UTRN: variants seen among roughly 807,000 people sequenced by gnomAD.
UTRN encodes the protein dystrophin-related protein 1.
Under a neutral mutation model 463.9 loss-of-function variants are expected in UTRN, and 283 were observed. That is an observed-to-expected ratio of 0.61 (90% CI 0.55 to 0.67). The LOEUF (loss-of-function observed/expected upper bound fraction) is 0.67. Among genes scored for constraint, UTRN ranks in the 30% least tolerant of loss-of-function variants. UTRN has a pLI of 0.00. For missense variants in UTRN, 3,922 were observed against 4,084.3 expected (o/e 0.96, Z 1.08); for synonymous variants, 1,442 against 1,431.5 (o/e 1.01, Z -0.17).
intron 2 of UTRN, among the ~76,000 whole-genome samples, chr6:144,293,220 G>A (rs960927918): frequency 2.6e-5 from 4 of 152,058 alleles, no homozygotes; most frequent in Admixed American, 2.6e-4. Flanking sequence ...GAAGAGAGAC[G>A]ATTTAATGTC....
intron 2 of UTRN, among the ~76,000 whole-genome samples, chr6:144,367,310 A>G (rs982362534): frequency 3.5e-5 from 5 of 144,720 alleles, no homozygotes; most frequent in Admixed American, 7.1e-5. Context: ...TTAATAAAGG[A>G]TTATACATGA....
intron 71 of UTRN, 131 bp downstream of exon 71, chr6:144,836,672 C>G (rs539473621): frequency 7.3e-7 from 1 of 1,376,864 alleles, no homozygotes; most frequent in Non-Finnish European, 9.6e-7. Flanking sequence ...TTAATTCAGA[C>G]TGGCTTAGAA....
At chr6:144,824,780 G>A (rs1350545482) in intron 66 of UTRN, among the ~76,000 whole-genome samples, 5 of 146,204 alleles carry the variant, frequency 3.4e-5, no homozygotes, top group African/African-American at 1.3e-4. Flanking sequence ...TGGTGGGGGG[G>A]GGTGTCCCCC....
At chr6:144,831,608 G>T (rs998405146) in intron 69 of UTRN, among the ~76,000 whole-genome samples, 1 of 152,128 alleles carries the variant, frequency 6.6e-6, no homozygotes, top group Non-Finnish European at 1.5e-5. Flanking sequence ...GAGTACGTTC[G>T]ATTGACTCTG....
At chr6:144,314,444 A>G (rs1268560645) in intron 2 of UTRN, among the ~76,000 whole-genome samples, 1 of 152,210 alleles carries the variant, frequency 6.6e-6, no homozygotes, top group Non-Finnish European at 1.5e-5. Flanking sequence ...CAACTTGTTG[A>G]TGGGAAATGT....
rs572093987 is a variant in UTRN at position 144,531,875 on chromosome 6, C to T, written c.6057+673C>T. Among the ~76,000 whole-genome samples, 11 of 152,158 alleles carry T rather than the reference C, an allele frequency of 7.2e-5. No individual in the cohort carries two copies. In the South Asian group the frequency reaches 2.3e-3, roughly 32 times the overall value. On this transcript the variant is annotated intron_variant, in intron 42 of 74. Coordinates refer to ENST00000367545, the MANE Select transcript of UTRN (RefSeq NM_007124.3). ...TAATGTGGCCGGGCGCGGTGCCTCA[C>T]ACTTGTAATCCCAGCATTTTGGGAG...
intron 51 of UTRN, among the ~76,000 whole-genome samples, chr6:144,640,022 C>T (rs1777605766): frequency 6.6e-6 from 1 of 151,366 alleles, no homozygotes; most frequent in Non-Finnish European, 1.5e-5. Flanking sequence ...AAAAAATGGC[C>T]CAGTGAACAA....
intron 51 of UTRN, among the ~76,000 whole-genome samples, chr6:144,640,026 T>TGAACA (rs1777607067): frequency 6.6e-6 from 1 of 152,010 alleles, no homozygotes; most frequent in African/African-American, 2.4e-5. Context: ...AATGGCCCAG[T>TGAACA]GAACAAAGTG....
At chr6:144,510,667 T>A (rs771630860) in intron 34 of UTRN, among the ~76,000 whole-genome samples, 1 of 152,170 alleles carries the variant, frequency 6.6e-6, no homozygotes, top group Non-Finnish European at 1.5e-5. Context: ...ATAAATGGAT[T>A]TATATTTAAA....
Position 144,290,752 on chromosome 6 carries a change from C to CT in UTRN, c.-92-956dup, listed in dbSNP as rs200477118. On this transcript the variant is annotated intron_variant, in intron 1 of 74. Transcript: ENST00000367545. The stretch of plus-strand genomic sequence containing the variant: ...TGGTCTACCTACAAGCCACAATCGT[C>CT]TTTTTTTTTTTTTTTTTTTTTTTTT... Among the ~76,000 whole-genome samples, 672 of 99,130 alleles carry CT rather than the reference C, an allele frequency of 6.8e-3. 110 individuals carry two copies. Among genetic ancestry groups the CT allele is most frequent in the Non-Finnish European group, 7.6e-3 (392 of 51,444 alleles). The allele number at this position is 99,130 out of a possible 152,430, so 65.0% of individuals were successfully genotyped here.
In UTRN at chr6:144,458,934, AAGG is replaced by A; in HGVS notation, c.2455_2457del (p.Glu819del). The A allele has an allele frequency of 6.2e-7, 1 of 1,613,898 alleles. No homozygotes were observed. Among genetic ancestry groups the A allele is most frequent in the African/African-American group, 1.3e-5 (1 of 75,018 alleles). On this transcript the variant is annotated inframe_deletion, in exon 20 of 75. Coordinates refer to ENST00000367545, the MANE Select transcript of UTRN (RefSeq NM_007124.3). ...TGAGCTTGAAAAGGTCATCAAGACA[AAGG>A]AGGAGTGGGTAAAACACACTTCCAT... is the stretch of plus-strand genomic sequence containing the variant.
intron 51 of UTRN, among the ~76,000 whole-genome samples, chr6:144,645,370 A>G (rs571145708): frequency 1.3e-5 from 2 of 152,324 alleles, no homozygotes; most frequent in South Asian, 2.1e-4. Flanking sequence ...GTTTTGTTAT[A>G]AAGTATTTTG....
chr6:144,831,215 A>T (rs1327300290), intron 69 of UTRN, among the ~76,000 whole-genome samples: 1 of 152,172 alleles, frequency 6.6e-6, no homozygotes, highest in African/African-American at 2.4e-5. Flanking sequence ...TGAATATACT[A>T]CTTTACTTGG....
At chr6:144,849,841 G>A (rs970018468) in intron 74 of UTRN, among the ~76,000 whole-genome samples, 30 of 152,140 alleles carry the variant, frequency 2.0e-4, no homozygotes, top group African/African-American at 6.8e-4. Flanking sequence ...TATTTAACAT[G>A]AATCAGCGCC....
intron 2 of UTRN, among the ~76,000 whole-genome samples, chr6:144,297,366 A>G (rs928893402): frequency 1.3e-5 from 2 of 152,248 alleles, no homozygotes; most frequent in African/African-American, 4.8e-5. Flanking sequence ...AAACTTGCTT[A>G]ACAAGATTCA....
At chr6:144,588,277 T>C (rs140410477) in intron 51 of UTRN, among the ~76,000 whole-genome samples, 1 of 152,288 alleles carries the variant, frequency 6.6e-6, no homozygotes, top group East Asian at 1.9e-4. Context: ...AGTTGATATG[T>C]GTTGTCAAAA....
intron 2 of UTRN, among the ~76,000 whole-genome samples, chr6:144,360,093 T>C (rs1778930447): frequency 1.5e-5 from 1 of 66,938 alleles, no homozygotes; most frequent in African/African-American, 8.8e-5. Context: ...TTCCCTTCCC[T>C]CCCCTCCCCT....
At chr6:144,466,893 C>T (rs1001944229) in intron 23 of UTRN, among the ~76,000 whole-genome samples, 3 of 152,156 alleles carry the variant, frequency 2.0e-5, no homozygotes, top group African/African-American at 7.2e-5. Context: ...TCCTCCAGGC[C>T]CTTCCTTCTG....
At chr6:144,656,849 A>G (rs1350156152) in intron 51 of UTRN, among the ~76,000 whole-genome samples, 1 of 152,204 alleles carries the variant, frequency 6.6e-6, no homozygotes, top group Admixed American at 6.5e-5. Context: ...TTACCCTGTG[A>G]TTAAAATTAG....
Sources: allele counts gnomAD v4.1 joint callset (sites outside exome capture counted in the v4.1 genomes callset), GRCh38; gene constraint gnomAD v4.1.1; transcripts MANE v1.5; gene names NCBI Gene and HGNC (gene_info 2026-07-23, HGNC 2026-07-21).